Variants in ZNF385D observed in about 807,000 individuals in gnomAD.
The protein encoded by ZNF385D is zinc finger protein 659.
In ZNF385D, 15 loss-of-function variants were observed where a neutral mutation model predicts 35.8. That is an observed-to-expected ratio of 0.42 (90% CI 0.28 to 0.64). ZNF385D has a LOEUF of 0.64. Among genes scored for constraint, ZNF385D ranks in the 30% least tolerant of loss-of-function variants. The pLI is 0.23. For synonymous variants in ZNF385D, 212 were observed against 186.8 expected, an observed-to-expected ratio of 1.13 and a Z score of -1.10; for missense variants, 474 against 494.6, an observed-to-expected ratio of 0.96 and a Z score of 0.39.
At chr3:21,512,851 G>A (rs1707311131) in intron 3 of ZNF385D, among the ~76,000 whole-genome samples, 1 of 152,064 alleles carries the variant, frequency 6.6e-6, no homozygotes, top group African/African-American at 2.4e-5. Context: ...AGAACGATAT[G>A]CTATATTCAA....
At chr3:22,215,225 A>C (rs1697792967) in intron 2 of ZNF385D, among the ~76,000 whole-genome samples, 1 of 152,070 alleles carries the variant, frequency 6.6e-6, no homozygotes, top group Non-Finnish European at 1.5e-5. Flanking sequence ...TTTGAACAAT[A>C]CGAAATCTGG....
rs149323949 is a variant in ZNF385D at position 22,029,372 on chromosome 3, C to A, written c.325+139445G>T. Among the ~76,000 whole-genome samples the A allele has an allele frequency of 2.9e-3, 442 of 152,320 alleles. 5 individuals carry two copies. Among genetic ancestry groups the A allele is most frequent in the African/African-American group, 0.01 (419 of 41,580 alleles). On this transcript the variant is annotated intron_variant, in intron 3 of 5. Transcript: ENST00000494108. The stretch of plus-strand genomic sequence containing the variant: ...GATTAAGGTCAATGGGAAACTACAA[C>A]AGCCCAATTCAGGCAGGACTACAAA...
At chr3:22,292,222 A>C (rs147225943) in intron 2 of ZNF385D, among the ~76,000 whole-genome samples, 1 of 152,088 alleles carries the variant, frequency 6.6e-6, no homozygotes, top group Non-Finnish European at 1.5e-5. Flanking sequence ...ATTTTTTAAA[A>C]AAGAAATATA....
At chr3:21,665,068 C>T (rs367558175) in intron 1 of ZNF385D, 40 bp from the exon 2 acceptor site, 44 of 1,527,062 alleles carry the variant, frequency 2.9e-5, no homozygotes, top group African/African-American at 8.4e-5. Context: ...AGGGACACCA[C>T]GCATGGAAAA....
intron 3 of ZNF385D, among the ~76,000 whole-genome samples, chr3:21,860,895 T>G (rs1348864920): frequency 6.6e-6 from 1 of 152,104 alleles, no homozygotes; most frequent in Non-Finnish European, 1.5e-5. Context: ...ATAACATCCA[T>G]TTAGATTCGA....
rs566826011 is a variant in ZNF385D, at chr3:21,790,030, A to C, written c.326-125002T>G. 8.5e-5 allele frequency among the ~76,000 whole-genome samples: 13 copies of C among 152,320 alleles called. No individual in the cohort carries two copies. The South Asian group carries it at 2.7e-3, about 32-fold the overall frequency. On this transcript the variant is annotated intron_variant, in intron 3 of 5. Transcript: ENST00000494108. ...GATGTACATGAAATCTTCAGTAACT[A>C]TTAAATGAAAGGGCCAAGATGTAGA...
intron 2 of ZNF385D, among the ~76,000 whole-genome samples, chr3:21,642,160 C>T (rs1024125870): frequency 2.0e-5 from 3 of 152,122 alleles, no homozygotes; most frequent in African/African-American, 7.2e-5. Context: ...GCAAATGACA[C>T]ACCTAGTCCA....
chr3:21,884,633 GTTC>G (rs1698447295), intron 3 of ZNF385D, among the ~76,000 whole-genome samples: 1 of 151,994 alleles, frequency 6.6e-6, no homozygotes, highest in Admixed American at 6.6e-5. Context: ...GAACTCAACG[GTTC>G]TTATTTTACT....
intron 2 of ZNF385D, among the ~76,000 whole-genome samples, chr3:22,302,334 T>A (rs1702945829): frequency 6.6e-6 from 1 of 151,880 alleles, no homozygotes; most frequent in Non-Finnish European, 1.5e-5. Flanking sequence ...AGTTAGTTTC[T>A]CATTGTGATT....
rs1248391437 is a variant in ZNF385D at position 21,721,200 on chromosome 3, C to CA, written c.22+29694dup. 1.2e-4 allele frequency among the ~76,000 whole-genome samples: 19 copies of CA among 152,250 alleles called. No individual in the cohort carries two copies. The East Asian group carries it at 3.3e-3, about 26-fold the overall frequency. Reference sequence around the variant, plus strand: ...TGTCTATGAGTCCCCTAAAAGGTCTCAGCCAGCGTCAGTGCTTACTCTGTA... The same window carrying CA: ...TGTCTATGAGTCCCCTAAAAGGTCTCAAGCCAGCGTCAGTGCTTACTCTGTA... On this transcript the variant is annotated intron_variant, in intron 1 of 7. Coordinates refer to ENST00000281523, the MANE Select transcript of ZNF385D (RefSeq NM_024697.3).
At chr3:21,892,629 G>A (rs1283628495) in intron 3 of ZNF385D, among the ~76,000 whole-genome samples, 2 of 152,084 alleles carry the variant, frequency 1.3e-5, no homozygotes, top group African/African-American at 4.8e-5. Flanking sequence ...ATTTGCAAAG[G>A]AGCTAAACAT....
At chr3:21,725,536 C>T (rs1434395437) in intron 1 of ZNF385D, among the ~76,000 whole-genome samples, 1 of 152,150 alleles carries the variant, frequency 6.6e-6, no homozygotes, top group Non-Finnish European at 1.5e-5. Context: ...AAACTACCAT[C>T]AGAGAACAGT....
chr3:21,953,945 C>T (rs17644025), intron 3 of ZNF385D, among the ~76,000 whole-genome samples: 37,431 of 151,918 alleles, frequency 0.25, 4,956 homozygotes, highest in East Asian at 0.32. Flanking sequence ...TTCCAACATG[C>T]TTTGCTGAGC....
At chr3:21,552,772 C>T (rs1481153394) in intron 3 of ZNF385D, among the ~76,000 whole-genome samples, 1 of 152,112 alleles carries the variant, frequency 6.6e-6, no homozygotes, top group Non-Finnish European at 1.5e-5. Context: ...ATAATGGCTT[C>T]CTAATGCTGT....
At chr3:21,707,310 A>T (rs1318669924) in intron 1 of ZNF385D, among the ~76,000 whole-genome samples, 2 of 152,212 alleles carry the variant, frequency 1.3e-5, no homozygotes, top group Non-Finnish European at 2.9e-5. Context: ...TAAATTGTGC[A>T]CAGGTGTGGG....
intron 3 of ZNF385D, among the ~76,000 whole-genome samples, chr3:21,943,447 C>T (rs1575973591): frequency 6.6e-6 from 1 of 151,724 alleles, no homozygotes; most frequent in South Asian, 2.1e-4. Context: ...ATGACTTCTG[C>T]AGTGACAACA....
chr3:21,998,645 T>A (rs1231406656), intron 3 of ZNF385D, among the ~76,000 whole-genome samples: 1 of 152,236 alleles, frequency 6.6e-6, no homozygotes, highest in Non-Finnish European at 1.5e-5. Flanking sequence ...AGTGTGTTAA[T>A]AACAAGAACA....
chr3:21,933,455 A>G (rs183375191), intron 3 of ZNF385D, among the ~76,000 whole-genome samples: 1 of 152,306 alleles, frequency 6.6e-6, no homozygotes, highest in African/African-American at 2.4e-5. Flanking sequence ...AGAAGATACT[A>G]ATACACAGAA....
chr3:21,631,310 C>T (rs2065274578), intron 2 of ZNF385D, among the ~76,000 whole-genome samples: 1 of 151,958 alleles, frequency 6.6e-6, no homozygotes, highest in African/African-American at 2.4e-5. Context: ...CAACCCTAAA[C>T]TACCTTATAG....
Sources: allele counts gnomAD v4.1 joint callset (sites outside exome capture counted in the v4.1 genomes callset), GRCh38; gene constraint gnomAD v4.1.1; transcripts MANE v1.5; gene names NCBI Gene and HGNC (gene_info 2026-07-23, HGNC 2026-07-21).